XKR3: variants seen among roughly 807,000 people sequenced by gnomAD.
The protein encoded by XKR3 is XK related 3.
XKR3 carries 27 observed loss-of-function variants against 40.3 expected under a neutral mutation model. That is an observed-to-expected ratio of 0.67 (90% CI 0.49 to 0.92). The LOEUF (loss-of-function observed/expected upper bound fraction) is 0.92, where lower values mean the gene tolerates loss of function less well. XKR3 is among the 40% of genes least tolerant of loss of function. The pLI, the probability that XKR3 is intolerant of heterozygous loss-of-function variation, is 0.00. For synonymous variants in XKR3, 193 were observed against 195.4 expected, an observed-to-expected ratio of 0.99 and a Z score of 0.10; for missense variants, 472 against 537.6, an observed-to-expected ratio of 0.88 and a Z score of 1.21.
rs758221804 is a variant in XKR3 at position 16,784,090 on chromosome 22, T to C, written c.909A>G (p.Thr303=). 1.2e-6 allele frequency: 2 copies of C among 1,614,210 alleles called. No homozygotes were observed. The highest frequency in any genetic ancestry group is 8.5e-7 in the Non-Finnish European group (1 of 1,180,038). ...NKENNSNMVG[T]VLMLFLITLL... Reference sequence around the variant, plus strand: ...GTGTGATCAAGAAAAGCATCAGTACTGTACCCACCATATTGGAATTATTTT... The same window carrying C: ...GTGTGATCAAGAAAAGCATCAGTACCGTACCCACCATATTGGAATTATTTT... The change falls in exon 4 of 4, where the codon ACA becomes ACG. Residue 303 remains threonine (T), a synonymous_variant. Coordinates refer to ENST00000684488, the MANE Select transcript of XKR3 (RefSeq NM_001386955.1).
In XKR3 at chr22:16,783,633, T is replaced by C. The variant is rs1194225520; in HGVS notation, c.1366A>G (p.Met456Val). 4 of 1,591,568 alleles carry C rather than the reference T, an allele frequency of 2.5e-6. No homozygotes were observed. The highest frequency in any genetic ancestry group is 3.4e-6 in the Non-Finnish European group (4 of 1,171,570). ...ATATGTATATTTTATGAACATGTCA[T>C]ACTTTTTCTGATTGAAAAATATCCA... ...RVGYFSIRKS[M>V]TCS is the part of the protein sequence containing the mutation. The change falls in exon 4 of 4, where the codon ATG becomes GTG. Residue 456 changes from methionine to valine, a missense_variant. Transcript: ENST00000684488.
chr22:16,797,916 A>G (rs1162261919), intron 3 of XKR3, among the ~76,000 whole-genome samples: 5 of 150,322 alleles, frequency 3.3e-5, no homozygotes, highest in Admixed American at 3.3e-4. Flanking sequence ...GCTCACCCCT[A>G]TAATCCCAGC....
intron 1 of XKR3, among the ~76,000 whole-genome samples, chr22:16,823,818 T>A (rs377356258): frequency 7.0e-6 from 1 of 143,158 alleles, no homozygotes; most frequent in Admixed American, 7.0e-5. Context: ...TTTTTTTTTT[T>A]AATGTAAACA....
chr22:16,813,626 T>C (rs1438922226), intron 1 of XKR3, among the ~76,000 whole-genome samples: 1 of 152,178 alleles, frequency 6.6e-6, no homozygotes, highest in East Asian at 1.9e-4. Flanking sequence ...CACCTCCACA[T>C]CTGGAAACAT....
At chr22:16,821,663 C>G (rs2060256605) in intron 1 of XKR3, 2 of 152,034 alleles carry the variant, frequency 1.3e-5, no homozygotes, top group South Asian at 2.1e-4. Context: ...GGGAGTTTCA[C>G]TGATACGTTC....
At position 16,784,049 on chromosome 22, in the gene XKR3, A is replaced by G; in HGVS notation, c.950T>C (p.Ile317Thr). 6.2e-6 allele frequency: 10 copies of G among 1,614,254 alleles called. No individual in the cohort carries two copies. The highest frequency in any genetic ancestry group is 8.5e-6 in the Non-Finnish European group (10 of 1,180,048). ...LFLITLLYAA[I>T]NFSCWSAVKL... ...CACTGCTGACCAGCAGGAGAAGTTG[A>G]TGGCAGCATATAGCAGTGTGATCAA... Residue 317 changes from isoleucine (I) to threonine (T), a missense_variant, in exon 4 of 4, where the codon ATC becomes ACC. Transcript: ENST00000684488.
At position 16,784,209 on chromosome 22, in the gene XKR3, T is replaced by G. The variant is rs1601837347; in HGVS notation, c.790A>C (p.Ser264Arg). 1 of 1,614,188 alleles carries G rather than the reference T, an allele frequency of 6.2e-7. No individual in the cohort carries two copies. The highest frequency in any genetic ancestry group is 2.2e-5 in the East Asian group (1 of 44,880). Residue 264 changes from serine to arginine, a missense_variant, in exon 4 of 4, where the codon AGC (serine) becomes CGC (arginine). Transcript: ENST00000684488. ...AFFIASLKLK[S>R]LPVLLIIYFV... The stretch of plus-strand genomic sequence containing the variant: ...TATATGATTAACAAAACGGGTAGGC[T>G]CTTCAGTTTCAGAGATGCAATGAAA...
intron 1 of XKR3, among the ~76,000 whole-genome samples, chr22:16,823,748 A>G (rs766721745): frequency 6.6e-6 from 1 of 152,224 alleles, no homozygotes; most frequent in Non-Finnish European, 1.5e-5. Flanking sequence ...GAGATCAATA[A>G]TAATAAATCT....
At chr22:16,808,562 C>T (rs1344191130) in intron 1 of XKR3, among the ~76,000 whole-genome samples, 1 of 152,176 alleles carries the variant, frequency 6.6e-6, no homozygotes, top group Non-Finnish European at 1.5e-5. Flanking sequence ...CTTTAAGTTC[C>T]ACTTATTGCT....
intron 1 of XKR3, among the ~76,000 whole-genome samples, chr22:16,808,936 A>G (rs1348398958): frequency 3.3e-5 from 5 of 152,234 alleles, no homozygotes; most frequent in Admixed American, 2.6e-4. Context: ...ATATATTGAA[A>G]GCACAAAAAA....
At position 16,783,641 on chromosome 22, in the gene XKR3, C is replaced by T; in HGVS notation, c.1358G>A (p.Arg453Lys). Residue 453 changes from arginine (R) to lysine (K), a missense_variant, in exon 4 of 4, where the codon AGA becomes AAA. By Grantham distance (26) the Arg-to-Lys change is conservative. Transcript: ENST00000684488. ...ATTTTATGAACATGTCATACTTTTT[C>T]TGATTGAAAAATATCCAACCCTATT... ...SCNRVGYFSI[R>K]KSMTCS 6.3e-7 allele frequency: 1 copy of T among 1,594,710 alleles called. No homozygotes were observed. Among genetic ancestry groups the T allele is most frequent in the Non-Finnish European group, 8.5e-7 (1 of 1,173,382 alleles).
chr22:16,813,380 G>A (rs1427400244), intron 1 of XKR3, among the ~76,000 whole-genome samples: 1 of 152,102 alleles, frequency 6.6e-6, no homozygotes, highest in Non-Finnish European at 1.5e-5. Context: ...CAGGTTTGCT[G>A]TTACCTCCCT....
intron 3 of XKR3, among the ~76,000 whole-genome samples, chr22:16,797,267 A>T (rs1426383752): frequency 6.6e-6 from 1 of 152,182 alleles, no homozygotes; most frequent in Non-Finnish European, 1.5e-5. Flanking sequence ...GTGGCAAAAA[A>T]TTTTTAGCTA....
intron 1 of XKR3, among the ~76,000 whole-genome samples, chr22:16,820,186 C>CA (rs35814527): frequency 6.6e-6 from 1 of 152,032 alleles, no homozygotes; most frequent in Non-Finnish European, 1.5e-5. Flanking sequence ...AAAACTTACG[C>CA]AAAAAAACTG....
At chr22:16,806,046 G>A (rs879389585) in intron 2 of XKR3, among the ~76,000 whole-genome samples, 2 of 152,096 alleles carry the variant, frequency 1.3e-5, no homozygotes, top group Non-Finnish European at 2.9e-5. Flanking sequence ...CTCACTAGAG[G>A]TCAGGAGTTG....
intron 2 of XKR3, among the ~76,000 whole-genome samples, chr22:16,802,327 A>G (rs1336472686): frequency 1.3e-5 from 2 of 152,068 alleles, no homozygotes; most frequent in Non-Finnish European, 2.9e-5. Context: ...GGGTTTGGGG[A>G]AGGAAAAATT....
At chr22:16,800,726 C>T (rs958121335) in intron 2 of XKR3, among the ~76,000 whole-genome samples, 5 of 152,206 alleles carry the variant, frequency 3.3e-5, no homozygotes, top group Middle Eastern at 3.4e-3. Flanking sequence ...ATAAGCAGAT[C>T]TTTATAAAAA....
chr22:16,816,413 C>T (rs527374471), intron 1 of XKR3, among the ~76,000 whole-genome samples: 66 of 151,382 alleles, frequency 4.4e-4, no homozygotes, highest in African/African-American at 1.5e-3. Context: ...CTGGTTTTGA[C>T]ATTAACTACC....
At chr22:16,787,559 C>T (rs1172327098) in intron 3 of XKR3, among the ~76,000 whole-genome samples, 1 of 53,736 alleles carries the variant, frequency 1.9e-5, no homozygotes, top group African/African-American at 5.6e-5. Context: ...AACTCCGTCT[C>T]AAATTAAAAA....
Sources: allele counts gnomAD v4.1 joint callset (sites outside exome capture counted in the v4.1 genomes callset), GRCh38; gene constraint gnomAD v4.1.1; transcripts MANE v1.5; gene names NCBI Gene and HGNC (gene_info 2026-07-23, HGNC 2026-07-21).